ZNRF3: variants seen among roughly 807,000 people sequenced by gnomAD.
The protein encoded by ZNRF3 is zinc and ring finger 3.
ZNRF3 carries 23 observed loss-of-function variants against 72.5 expected under a neutral mutation model. The ratio of observed to expected loss-of-function variants is 0.32; its 90% confidence interval spans 0.23 to 0.45. The LOEUF (loss-of-function observed/expected upper bound fraction) is 0.45, where lower values mean the gene tolerates loss of function less well. Ranked by LOEUF, ZNRF3 falls within the 20% of genes least tolerant of loss-of-function variation. The pLI, the probability that ZNRF3 is intolerant of heterozygous loss-of-function variation, is 1.00. For missense variants in ZNRF3, 1,169 were observed against 1,272.1 expected (o/e 0.92, Z 1.23); for synonymous variants, 610 against 545.3 (o/e 1.12, Z -1.65).
chr22:28,968,022 G>A (rs1345435750), intron 1 of ZNRF3, among the ~76,000 whole-genome samples: 1 of 151,692 alleles, frequency 6.6e-6, no homozygotes, highest in Admixed American at 6.6e-5. Context: ...TTTCACTTCT[G>A]GAAAGTTCAC....
At chr22:28,938,957 A>C (rs1424793654) in intron 1 of ZNRF3, among the ~76,000 whole-genome samples, 1 of 152,164 alleles carries the variant, frequency 6.6e-6, no homozygotes, top group African/African-American at 2.4e-5. Flanking sequence ...GACTCTAGAT[A>C]AGGCATTTAA....
Position 28,887,235 on chromosome 22 carries a change from AGTGT to A in ZNRF3, c.300+3202_300+3205del, listed in dbSNP as rs1179478685. 4.9e-3 allele frequency among the ~76,000 whole-genome samples: 457 copies of A among 93,122 alleles called. 6 individuals are homozygous for A. Among genetic ancestry groups the A allele is most frequent in the Middle Eastern group, 0.02 (4 of 202 alleles). 61.1% of individuals were successfully genotyped at this position (93,122 alleles called of 152,430 possible). On this transcript the variant is annotated intron_variant, in intron 1 of 8. Coordinates refer to ENST00000544604, the MANE Select transcript of ZNRF3 (RefSeq NM_001206998.2). ...TATGCCAACGAAGAGAGAGAGAGAGAGTGTGTGTGTGTGTGTGTGTGTGTGTGTG... is the reference window on the plus strand; with the variant it reads ...TATGCCAACGAAGAGAGAGAGAGAGAGTGTGTGTGTGTGTGTGTGTGTGTG...
intron 1 of ZNRF3, among the ~76,000 whole-genome samples, chr22:28,929,710 C>T (rs1320306924): frequency 6.6e-6 from 1 of 152,158 alleles, no homozygotes; most frequent in Non-Finnish European, 1.5e-5. Context: ...GAGTGTGTGC[C>T]TTTTCACGAT....
chr22:28,931,261 A>G (rs1260334731), intron 1 of ZNRF3, among the ~76,000 whole-genome samples: 1 of 152,206 alleles, frequency 6.6e-6, no homozygotes. Flanking sequence ...TCTAATGGTT[A>G]GATAAATCTT....
intron 1 of ZNRF3, among the ~76,000 whole-genome samples, chr22:28,884,436 G>A (rs2033732634): frequency 6.6e-6 from 1 of 152,228 alleles, no homozygotes; most frequent in Admixed American, 6.5e-5. Context: ...TGAGGGATGG[G>A]GTGGCTCGTT....
chr22:29,054,001 T>C lies in ZNRF3; in HGVS notation c.*379T>C, dbSNP rs1446865723. 1 of 156,644 alleles carries C rather than the reference T, an allele frequency of 6.4e-6. No individual in the cohort carries two copies. Among genetic ancestry groups the C allele is most frequent in the Non-Finnish European group, 1.4e-5 (1 of 71,114 alleles). The allele number at this position is 156,644 out of a possible 1,614,324, so 9.7% of individuals were successfully genotyped here. A position where few individuals can be genotyped will look rare whatever the true frequency, so the allele number is the denominator to read the frequency against. ...TTAAAGAACCCTAACTGCCAACTTT[T>C]GCTGAAAAAGAAAAAAAAATCACTG... On this transcript the variant is annotated 3_prime_UTR_variant, in exon 9 of 9. Coordinates refer to ENST00000544604, the MANE Select transcript of ZNRF3 (RefSeq NM_001206998.2).
At chr22:28,914,762 C>T (rs1441679741) in intron 1 of ZNRF3, among the ~76,000 whole-genome samples, 1 of 148,270 alleles carries the variant, frequency 6.7e-6, no homozygotes, top group Non-Finnish European at 1.5e-5. Context: ...TGCAGTGAGC[C>T]GAGATGGCGC....
At chr22:29,034,999 C>CTTTT (rs10607848) in intron 2 of ZNRF3, among the ~76,000 whole-genome samples, 1 of 131,224 alleles carries the variant, frequency 7.6e-6, no homozygotes, top group Non-Finnish European at 1.6e-5. Context: ...TTTGTTAGAC[C>CTTTT]TTTTTTTTTT....
Position 28,946,535 on chromosome 22 carries a change from T to C in ZNRF3, c.301-40541T>C, listed in dbSNP as rs149460113. Among the ~76,000 whole-genome samples, 18 of 152,368 alleles carry C rather than the reference T, an allele frequency of 1.2e-4. No individual in the cohort carries two copies. In the East Asian group the frequency reaches 3.5e-3, roughly 29 times the overall value. On this transcript the variant is annotated intron_variant, in intron 1 of 8. Coordinates refer to ENST00000544604, the MANE Select transcript of ZNRF3 (RefSeq NM_001206998.2). ...AATTGGTGTTTGGACTGGTTGTTTA[T>C]GAGAAAGTCCAGGTAGACCGTCCAT...
intron 1 of ZNRF3, among the ~76,000 whole-genome samples, chr22:28,937,351 C>T (rs2034858631): frequency 6.6e-6 from 1 of 151,058 alleles, no homozygotes; most frequent in Non-Finnish European, 1.5e-5. Flanking sequence ...CGGCTGGGGA[C>T]TGGACAGAAC....
chr22:28,946,352 C>T (rs902248171), intron 1 of ZNRF3, among the ~76,000 whole-genome samples: 5 of 152,128 alleles, frequency 3.3e-5, no homozygotes, highest in Admixed American at 2.0e-4. Flanking sequence ...ATTAAAGCCC[C>T]CTTTTTTCTT....
At chr22:28,933,816 G>T (rs1378361965) in intron 1 of ZNRF3, among the ~76,000 whole-genome samples, 1 of 144,082 alleles carries the variant, frequency 6.9e-6, no homozygotes, top group Non-Finnish European at 1.5e-5. Context: ...CCCTCATCTG[G>T]GTCTGAGGAA....
chr22:28,899,885 C>G (rs1176711889), intron 1 of ZNRF3, among the ~76,000 whole-genome samples: 1 of 151,976 alleles, frequency 6.6e-6, no homozygotes, highest in Non-Finnish European at 1.5e-5. Flanking sequence ...GAGATGAAGT[C>G]TCAGTGTGTT....
chr22:28,944,253 A>C (rs1037002334), intron 1 of ZNRF3, among the ~76,000 whole-genome samples: 1 of 150,520 alleles, frequency 6.6e-6, no homozygotes, highest in Admixed American at 6.6e-5. Context: ...TTGATTATAT[A>C]GTCTTTGGGG....
chr22:28,996,994 T>C (rs886317819), intron 2 of ZNRF3, among the ~76,000 whole-genome samples: 4 of 152,156 alleles, frequency 2.6e-5, no homozygotes, highest in Non-Finnish European at 5.9e-5. Context: ...GATACCTGAG[T>C]GCCCTCGGCT....
chr22:28,908,441 T>G (rs890507266), intron 1 of ZNRF3, among the ~76,000 whole-genome samples: 1 of 152,184 alleles, frequency 6.6e-6, no homozygotes, highest in Admixed American at 6.5e-5. Flanking sequence ...CAAGTCTCTT[T>G]TGGTGGGGAT....
intron 1 of ZNRF3, among the ~76,000 whole-genome samples, chr22:28,946,363 T>C (rs999729088): frequency 2.0e-5 from 3 of 152,216 alleles, no homozygotes; most frequent in African/African-American, 7.2e-5. Context: ...CTTTTTTCTT[T>C]GTGTGAGAGA....
intron 1 of ZNRF3, among the ~76,000 whole-genome samples, chr22:28,980,320 A>G (rs573101454): frequency 2.2e-4 from 34 of 152,228 alleles, no homozygotes; most frequent in Non-Finnish European, 4.0e-4. Context: ...AGATTTCCCC[A>G]CTAAACAATA....
intron 2 of ZNRF3, among the ~76,000 whole-genome samples, chr22:29,008,269 A>G (rs2036293396): frequency 6.6e-6 from 1 of 152,152 alleles, no homozygotes; most frequent in Non-Finnish European, 1.5e-5. Flanking sequence ...GGGCACCACA[A>G]CCACACATTT....
Sources: allele counts gnomAD v4.1 joint callset (sites outside exome capture counted in the v4.1 genomes callset), GRCh38; gene constraint gnomAD v4.1.1; transcripts MANE v1.5; gene names NCBI Gene and HGNC (gene_info 2026-07-23, HGNC 2026-07-21).